The following TTC7A variants were observed in gnomAD, a reference collection of about 807,000 sequenced individuals.
TTC7A encodes tetratricopeptide repeat protein 7A.
TTC7A carries 110 observed loss-of-function variants against 103.7 expected under a neutral mutation model. That is an observed-to-expected ratio of 1.06 (90% confidence interval 0.91 to 1.24). TTC7A has a LOEUF of 1.24. TTC7A is among the 50% of genes most tolerant of loss of function. The pLI, the probability that TTC7A is intolerant of heterozygous loss-of-function variation, is 0.00. For synonymous variants in TTC7A, 521 were observed against 467.9 expected (o/e 1.11, Z -1.47); for missense variants, 1,340 against 1,116.3 (o/e 1.20, Z -2.86).
At chr2:46,986,335 C>T (rs1675004539) in intron 5 of TTC7A, among the ~76,000 whole-genome samples, 1 of 152,108 alleles carries the variant, frequency 6.6e-6, no homozygotes, top group African/African-American at 2.4e-5. Flanking sequence ...GTGACGAAGC[C>T]CAGAGAAAGG....
intron 15 of TTC7A, among the ~76,000 whole-genome samples, chr2:47,041,780 G>A (rs1681778334): frequency 6.6e-6 from 1 of 150,962 alleles, no homozygotes; most frequent in African/African-American, 2.4e-5. Context: ...CTTGATATGA[G>A]TTTACTATTA....
chr2:46,975,285 G>T (rs1469722007), intron 4 of TTC7A, among the ~76,000 whole-genome samples, 182 bp downstream of exon 4: 2 of 152,212 alleles, frequency 1.3e-5, no homozygotes, highest in Non-Finnish European at 2.9e-5. Context: ...ACTAGAATGA[G>T]ACTCTTTACT....
exon 1 of TTC7A, chr2:46,916,278 G>T: frequency 1.5e-6 from 1 of 665,502 alleles, no homozygotes; most frequent in Non-Finnish European, 1.9e-6. Context: ...AGCCGGCCTT[G>T]GACCCTACGT....
At chr2:46,967,747 C>A (rs997381638) in intron 3 of TTC7A, among the ~76,000 whole-genome samples, 1 of 151,858 alleles carries the variant, frequency 6.6e-6, no homozygotes, top group Non-Finnish European at 1.5e-5. Flanking sequence ...TCTTTGAGAC[C>A]CTGCTTTCTA....
chr2:47,070,806 C>T (rs1384069330), intron 19 of TTC7A, among the ~76,000 whole-genome samples: 2 of 152,136 alleles, frequency 1.3e-5, no homozygotes, highest in Admixed American at 6.5e-5. Flanking sequence ...CAGCCCAAAG[C>T]GCCCCCTTGG....
chr2:46,940,732 CGCGGGCCTGGGA>C (rs1670258155), upstream of TTC7A, among the ~76,000 whole-genome samples: 1 of 152,200 alleles, frequency 6.6e-6, no homozygotes, highest in Non-Finnish European at 1.5e-5. The surrounding 1 kb of genome is among the most constrained non-coding windows in gnomAD (Gnocchi z 4.7). Flanking sequence ...TCCAGAGAGT[CGCGGGCCTGGGA>C]ACGGGCCTGG....
chr2:47,073,634 G>T, intron 19 of TTC7A, 68 bp from the exon 20 acceptor site: 1 of 1,409,220 alleles, frequency 7.1e-7, no homozygotes, highest in Non-Finnish European at 1.0e-6. Context: ...ACCTGTGCTT[G>T]GCCCAGTTGC....
At position 46,980,999 on chromosome 2, in the gene TTC7A, C is replaced by T. The variant is rs945828258; in HGVS notation, c.764+2092C>T. Among the ~76,000 whole-genome samples, 10 of 152,166 alleles carry T rather than the reference C, an allele frequency of 6.6e-5. No individual in the cohort carries two copies. The East Asian group carries it at 7.7e-4, about 12-fold the overall frequency. The stretch of plus-strand genomic sequence containing the variant: ...GGCCCCTCTGGGTGCACCACTGCCA[C>T]GTGTCCAGCAACCTGGAAGCTCTCC... On this transcript the variant is annotated intron_variant, in intron 5 of 19. Transcript: ENST00000319190.
In TTC7A at chr2:47,055,467, C is replaced by T. The variant is rs370857591; in HGVS notation, c.2152+3587C>T. Among the ~76,000 whole-genome samples, 25 of 152,256 alleles carry T rather than the reference C, an allele frequency of 1.6e-4. 1 individual carries two copies. Among genetic ancestry groups the T allele is most frequent in the African/African-American group, 5.1e-4 (21 of 41,546 alleles). On this transcript the variant is annotated intron_variant, in intron 18 of 19. Coordinates refer to ENST00000319190, the MANE Select transcript of TTC7A (RefSeq NM_020458.4). Reference sequence around the variant, plus strand: ...CTGCAGGGCAATGCCTCTTGGGCAGCGGGTCTGTGTGAGAGTGGGAGAGGC... The same window carrying T: ...CTGCAGGGCAATGCCTCTTGGGCAGTGGGTCTGTGTGAGAGTGGGAGAGGC...
At chr2:46,943,044 T>C (rs1670588139) in intron 1 of TTC7A, among the ~76,000 whole-genome samples, 1 of 152,118 alleles carries the variant, frequency 6.6e-6, no homozygotes, top group African/African-American at 2.4e-5. Context: ...TAGCTGGGAC[T>C]ACAGGTGCTG....
chr2:46,988,566 C>G (rs1203287087), intron 5 of TTC7A, among the ~76,000 whole-genome samples: 1 of 152,238 alleles, frequency 6.6e-6, no homozygotes. Context: ...TGTAGTTTCT[C>G]ATTCTCTGTT....
intron 2 of TTC7A, among the ~76,000 whole-genome samples, chr2:46,924,839 G>C (rs1187194284): frequency 2.0e-5 from 3 of 152,210 alleles, no homozygotes; most frequent in Non-Finnish European, 4.4e-5. Context: ...TGTTGGCCAG[G>C]CTGGACTCGA....
intron 2 of TTC7A, among the ~76,000 whole-genome samples, chr2:46,954,565 C>CTT: frequency 7.7e-6 from 1 of 129,942 alleles, no homozygotes; most frequent in African/African-American, 3.4e-5. Context: ...GAACTAAGAG[C>CTT]CTTTTTTTTT....
rs117246006 is a variant in TTC7A at position 47,024,404 on chromosome 2, G to C, written c.1641+45G>C. ...AACCCCCGGGTCCTCGGGGGCTGCT[G>C]ATCTTCTCCTGGAAACCCAGCTTAC... On this transcript the variant is annotated intron_variant, in intron 14 of 19. Transcript: ENST00000319190. 371 of 1,545,512 alleles carry C rather than the reference G, an allele frequency of 2.4e-4. No homozygotes were observed. The East Asian group carries it at 7.5e-3, about 31-fold the overall frequency.
intron 8 of TTC7A, among the ~76,000 whole-genome samples, chr2:46,997,412 C>T (rs572115730): frequency 5.3e-5 from 8 of 152,154 alleles, no homozygotes; most frequent in South Asian, 4.2e-4. Context: ...TGATTAGGTG[C>T]GCATTATGTT....
At chr2:47,057,211 G>C (rs1683394427) in intron 18 of TTC7A, among the ~76,000 whole-genome samples, 1 of 152,216 alleles carries the variant, frequency 6.6e-6, no homozygotes, top group Non-Finnish European at 1.5e-5. Flanking sequence ...GCAGGTCAGA[G>C]GCCTACCCTG....
chr2:47,020,267 G>A (rs552919350), intron 11 of TTC7A, among the ~76,000 whole-genome samples: 9 of 152,228 alleles, frequency 5.9e-5, no homozygotes, highest in Admixed American at 3.3e-4. Context: ...CCTGTCTGGG[G>A]CTTGTCTTCC....
chr2:47,021,335 A>G (rs1235709947), intron 11 of TTC7A, among the ~76,000 whole-genome samples: 1 of 152,126 alleles, frequency 6.6e-6, no homozygotes, highest in Non-Finnish European at 1.5e-5. Context: ...TCATGTGGTG[A>G]TGTGTGCACA....
chr2:47,062,795 A>G (rs60395026), intron 19 of TTC7A, among the ~76,000 whole-genome samples: 27,396 of 152,140 alleles, frequency 0.18, 3,857 homozygotes, highest in East Asian at 0.64. Context: ...TGGTTACTGA[A>G]TAGCCATCCA....
Sources: gnomAD v4.1 joint callset for allele counts (sites outside exome capture counted in the v4.1 genomes callset) on GRCh38, gnomAD v4.1.1 for gene constraint, Gnocchi (gnomAD v3.1) non-coding constraint, MANE v1.5 for transcripts, NCBI Gene and HGNC (gene_info 2026-07-23, HGNC 2026-07-21) for gene names.